The following CAST variants were observed in gnomAD, a reference collection of about 807,000 sequenced individuals.
The protein encoded by CAST is MIR583 host.
CAST carries 76 observed loss-of-function variants against 119.6 expected under a neutral mutation model. The ratio of observed to expected loss-of-function variants is 0.64; its 90% CI spans 0.53 to 0.77. The LOEUF (loss-of-function observed/expected upper bound fraction) is 0.77, where lower values mean the gene tolerates loss of function less well. Ranked by LOEUF, CAST falls within the 30% of genes least tolerant of loss-of-function variation. The pLI, the probability that CAST is intolerant of heterozygous loss-of-function variation, is 0.00. For synonymous variants in CAST, 319 were observed against 331.6 expected (o/e 0.96, Z 0.41); for missense variants, 953 against 946.5 (o/e 1.01, Z -0.09).
rs749650038 is a variant in CAST at position 96,737,959 on chromosome 5, T to C, written c.798+12T>C. 2 of 1,452,036 alleles carry C rather than the reference T, an allele frequency of 1.4e-6. No individual in the cohort carries two copies. The highest frequency in any genetic ancestry group is 2.3e-5 in the South Asian group (2 of 87,176). 89.9% of individuals were successfully genotyped at this position (1,452,036 alleles called of 1,614,324 possible). On this transcript the variant is annotated intron_variant, in intron 11 of 31. Coordinates refer to ENST00000675179, the MANE Select transcript of CAST (RefSeq NM_001750.7). ...GACCAGAAGTTTCAGTATGTGATCA[T>C]GATATCTGTAAAAATTCATACTCAG... is the stretch of plus-strand genomic sequence containing the variant.
At chr5:96,188,658 A>G in the CAST span, among the ~76,000 whole-genome samples, 6 of 152,086 alleles carry the variant, frequency 3.9e-5, no homozygotes, top group Admixed American at 1.3e-4. Flanking sequence ...CATCAGCTAT[A>G]CCTTTTCTTT....
the CAST span, among the ~76,000 whole-genome samples, chr5:96,049,889 C>CAAAAAAAAAAAAAA: frequency 0.024 from 834 of 34,294 alleles, 17 homozygotes; most frequent in Middle Eastern, 0.036. Flanking sequence ...GAACAGGAGG[C>CAAAAAAAAAAAAAA]AAAAAAAAAA....
chr5:96,290,459 AAAATT>A, the CAST span, among the ~76,000 whole-genome samples: 9 of 128,642 alleles, frequency 7.0e-5, no homozygotes, highest in East Asian at 7.1e-4. Context: ...TTTTCTATTC[AAAATT>A]AAATTAAATA....
chr5:96,082,844 G>A, the CAST span, among the ~76,000 whole-genome samples: 1 of 151,978 alleles, frequency 6.6e-6, no homozygotes, highest in East Asian at 1.9e-4. Flanking sequence ...TCAGAAAAAG[G>A]CAAGAAAGAA....
At chr5:96,569,687 G>T (rs751415384) in intron 1 of CAST, among the ~76,000 whole-genome samples, 1 of 152,084 alleles carries the variant, frequency 6.6e-6, no homozygotes, top group Non-Finnish European at 1.5e-5. Flanking sequence ...TCACTTGAAG[G>T]GACTAAAAGT....
chr5:96,662,135 G>A (rs1275870461), upstream of CAST: 1 of 361,416 alleles, frequency 2.8e-6, no homozygotes, highest in Non-Finnish European at 4.9e-6. Context: ...ACCGGGACCA[G>A]AGCAGTGCTG....
chr5:96,178,068 C>A, the CAST span, among the ~76,000 whole-genome samples: 1 of 152,230 alleles, frequency 6.6e-6, no homozygotes, highest in African/African-American at 2.4e-5. Flanking sequence ...GAGAAGAACT[C>A]ATCTCAAATA....
the CAST span, among the ~76,000 whole-genome samples, chr5:96,471,786 G>GTGTT: frequency 6.7e-5 from 10 of 149,522 alleles, no homozygotes; most frequent in African/African-American, 1.2e-4. Flanking sequence ...GTGTGTGTGT[G>GTGTT]TGTGTGTGTG....
chr5:96,190,253 G>A, the CAST span, among the ~76,000 whole-genome samples: 3 of 152,130 alleles, frequency 2.0e-5, no homozygotes, highest in Non-Finnish European at 4.4e-5. Context: ...AGGTGCCTGC[G>A]CTGGTTTTAT....
the CAST span, chr5:96,394,839 A>T: frequency 6.2e-7 from 1 of 1,612,048 alleles, no homozygotes; most frequent in East Asian, 2.2e-5. Context: ...AAAAGAGAGC[A>T]TGCCAAGAAC....
At chr5:96,703,848 A>G (rs1342674730) in intron 3 of CAST, among the ~76,000 whole-genome samples, 1 of 152,216 alleles carries the variant, frequency 6.6e-6, no homozygotes, top group African/African-American at 2.4e-5. Context: ...TCAAAAGGGG[A>G]AAGTCTATTT....
the CAST span, among the ~76,000 whole-genome samples, chr5:96,081,972 G>A: frequency 6.6e-6 from 1 of 152,214 alleles, no homozygotes; most frequent in Admixed American, 6.5e-5. Context: ...GGAGTGTAGC[G>A]GCGTGATCTC....
chr5:96,603,927 C>A (rs572305460), intron 1 of CAST, among the ~76,000 whole-genome samples: 2 of 151,886 alleles, frequency 1.3e-5, no homozygotes, highest in African/African-American at 4.8e-5. Flanking sequence ...CCATGCCAGG[C>A]TAATTTTATT....
chr5:96,707,857 G>A (rs760270886), intron 3 of CAST, among the ~76,000 whole-genome samples: 3 of 152,150 alleles, frequency 2.0e-5, no homozygotes, highest in Non-Finnish European at 4.4e-5. Context: ...GGCCTCCAGA[G>A]TTGCCGGGGA....
intron 1 of CAST, among the ~76,000 whole-genome samples, chr5:96,664,377 A>G (rs1430826469): frequency 1.3e-5 from 2 of 148,170 alleles, no homozygotes; most frequent in African/African-American, 2.6e-5. Context: ...GTGCATATAT[A>G]TGTGTGTGCA....
At chr5:96,477,014 C>A in the CAST span, among the ~76,000 whole-genome samples, 1 of 147,876 alleles carries the variant, frequency 6.8e-6, no homozygotes, top group African/African-American at 2.5e-5. Flanking sequence ...TTTCTGTTTC[C>A]TTCAGAGTTG....
chr5:96,287,071 C>T, the CAST span, among the ~76,000 whole-genome samples: 1 of 152,040 alleles, frequency 6.6e-6, no homozygotes, highest in South Asian at 2.1e-4. Flanking sequence ...GTCAAGTGGT[C>T]CATCCCATTT....
chr5:96,543,686 T>G (rs1745956844), intron 1 of CAST, among the ~76,000 whole-genome samples: 1 of 152,196 alleles, frequency 6.6e-6, no homozygotes, highest in South Asian at 2.1e-4. Flanking sequence ...CACCCAGAAT[T>G]TCCCCTACAT....
chr5:96,539,537 G>C (rs985473359), intron 1 of CAST, among the ~76,000 whole-genome samples: 1 of 151,216 alleles, frequency 6.6e-6, no homozygotes, highest in African/African-American at 2.4e-5. Flanking sequence ...TTTTATTTTT[G>C]CTCTGTCTTG....
Sources: allele counts gnomAD v4.1 joint callset (sites outside exome capture counted in the v4.1 genomes callset), GRCh38; gene constraint gnomAD v4.1.1; transcripts MANE v1.5; gene names NCBI Gene and HGNC (gene_info 2026-07-23, HGNC 2026-07-21).